ITGA9: variants seen among roughly 807,000 people sequenced by gnomAD.
The protein encoded by ITGA9 is integrin subunit alpha 9.
Under a neutral mutation model 127.8 loss-of-function variants are expected in ITGA9, and 56 were observed. That is an observed-to-expected ratio of 0.44 (90% CI 0.35 to 0.55). The LOEUF (loss-of-function observed/expected upper bound fraction) is 0.55. Ranked by LOEUF, ITGA9 falls within the 20% of genes least tolerant of loss-of-function variation. The pLI is 0.00. For synonymous variants in ITGA9, 508 were observed against 514.5 expected, an observed-to-expected ratio of 0.99 and a Z score of 0.17; for missense variants, 1,196 against 1,347.1, an observed-to-expected ratio of 0.89 and a Z score of 1.76.
intron 22 of ITGA9, chr3:37,746,037 T>C (rs538687723): frequency 6.6e-6 from 1 of 152,346 alleles, no homozygotes; most frequent in African/African-American, 2.4e-5. Context: ...TCCTTGAGAA[T>C]TGTCTGACTA....
intron 5 of ITGA9, among the ~76,000 whole-genome samples, chr3:37,495,310 A>G (rs1698716606): frequency 6.6e-6 from 1 of 152,210 alleles, no homozygotes; most frequent in Admixed American, 6.5e-5. Flanking sequence ...TCAGAAGGAC[A>G]GGACACCTGC....
intron 22 of ITGA9, chr3:37,748,699 G>A (rs1575219705): frequency 5.4e-6 from 3 of 553,978 alleles, no homozygotes; most frequent in Non-Finnish European, 9.6e-6. Flanking sequence ...AGTGAGCCGA[G>A]GTTGGCCCAC....
chr3:37,507,401 T>G (rs954310632), intron 7 of ITGA9, among the ~76,000 whole-genome samples: 2 of 152,198 alleles, frequency 1.3e-5, no homozygotes, highest in African/African-American at 4.8e-5. Context: ...ATAGCAGCTT[T>G]CTTTTCTCCC....
At chr3:37,636,891 TC>T (rs1700284623) in intron 16 of ITGA9, among the ~76,000 whole-genome samples, 1 of 151,984 alleles carries the variant, frequency 6.6e-6, no homozygotes. Flanking sequence ...AAATAGGGAA[TC>T]CTTTCCCCAT....
chr3:37,570,889 G>C (rs1699593537), intron 15 of ITGA9, among the ~76,000 whole-genome samples: 1 of 152,224 alleles, frequency 6.6e-6, no homozygotes, highest in Admixed American at 6.5e-5. Context: ...TCAGGGCTCA[G>C]ATGAGGCTGT....
At chr3:37,492,903 T>C (rs186499388) in intron 4 of ITGA9, among the ~76,000 whole-genome samples, 5 of 152,326 alleles carry the variant, frequency 3.3e-5, no homozygotes, top group African/African-American at 4.8e-5. Flanking sequence ...TTATTATTAA[T>C]TTGTATTATT....
At chr3:37,770,406 G>T (rs1378397800) in intron 23 of ITGA9, among the ~76,000 whole-genome samples, 1 of 152,148 alleles carries the variant, frequency 6.6e-6, no homozygotes, top group Non-Finnish European at 1.5e-5. Context: ...CAGGCACAGG[G>T]ACTGTGTTTG....
intron 27 of ITGA9, among the ~76,000 whole-genome samples, chr3:37,809,118 C>T (rs1483213022): frequency 6.8e-6 from 1 of 148,024 alleles, no homozygotes; most frequent in Non-Finnish European, 1.5e-5. Flanking sequence ...GGCAGTCCCA[C>T]TCTGTCACTC....
At chr3:37,744,833 C>T (rs1206820378) in intron 22 of ITGA9, among the ~76,000 whole-genome samples, 1 of 152,230 alleles carries the variant, frequency 6.6e-6, no homozygotes, top group Non-Finnish European at 1.5e-5. Context: ...ATAATTTTCA[C>T]ATCATGAAAT....
chr3:37,621,201 T>C lies in ITGA9; in HGVS notation c.1690-7986T>C, dbSNP rs948411874. ...CTCTCTTGTCTGCTGCCATGTAAGA[T>C]GTGCCTTTTGCCTTCCACCATGGTT... is the stretch of plus-strand genomic sequence containing the variant. On this transcript the variant is annotated intron_variant, in intron 15 of 27. Transcript: ENST00000264741. Among the ~76,000 whole-genome samples, 6 of 152,228 alleles carry C rather than the reference T, an allele frequency of 3.9e-5. No individual in the cohort carries two copies. The East Asian group carries it at 1.2e-3, about 29-fold the overall frequency.
chr3:37,587,573 A>C (rs1699770904), intron 15 of ITGA9, among the ~76,000 whole-genome samples: 1 of 151,794 alleles, frequency 6.6e-6, no homozygotes, highest in Non-Finnish European at 1.5e-5. Context: ...CCCACCCATT[A>C]CCCACCCATC....
chr3:37,770,197 C>G (rs940512278), intron 23 of ITGA9, among the ~76,000 whole-genome samples: 1 of 152,174 alleles, frequency 6.6e-6, no homozygotes, highest in Non-Finnish European at 1.5e-5. Flanking sequence ...GAGCAGTACC[C>G]TCCACACATG....
At chr3:37,531,857 G>A (rs1254259260) in intron 13 of ITGA9, among the ~76,000 whole-genome samples, 1 of 152,250 alleles carries the variant, frequency 6.6e-6, no homozygotes, top group Admixed American at 6.5e-5. Context: ...GACAATGACT[G>A]TTCACCTTAG....
intron 15 of ITGA9, among the ~76,000 whole-genome samples, chr3:37,556,487 G>T (rs985521113): frequency 6.6e-6 from 1 of 152,224 alleles, no homozygotes; most frequent in Admixed American, 6.5e-5. Context: ...AGCTCTCGGA[G>T]CTGGCACGTT....
intron 20 of ITGA9, among the ~76,000 whole-genome samples, chr3:37,737,677 G>A (rs1422516281): frequency 2.0e-5 from 3 of 152,202 alleles, no homozygotes; most frequent in African/African-American, 7.2e-5. Flanking sequence ...CCAGTGGAGG[G>A]AGGGGCGTTC....
intron 25 of ITGA9, among the ~76,000 whole-genome samples, chr3:37,784,559 C>G (rs1697015868): frequency 6.6e-6 from 1 of 152,182 alleles, no homozygotes; most frequent in South Asian, 2.1e-4. Context: ...GGGTTGTGGT[C>G]AAGGCAGGAA....
intron 15 of ITGA9, among the ~76,000 whole-genome samples, chr3:37,550,855 G>A (rs561499496): frequency 2.0e-4 from 30 of 152,312 alleles, no homozygotes; most frequent in African/African-American, 7.0e-4. Flanking sequence ...TGAATATGTT[G>A]AGGGTTTTTT....
At chr3:37,818,603 T>C (rs2125569761) in intron 27 of ITGA9, 1 of 454,276 alleles carries the variant, frequency 2.2e-6, no homozygotes. Context: ...TGAACAGCTC[T>C]CAGTAACTGG....
chr3:37,476,646 C>T (rs374219513), intron 3 of ITGA9, among the ~76,000 whole-genome samples: 4 of 152,150 alleles, frequency 2.6e-5, no homozygotes, highest in African/African-American at 7.2e-5. Context: ...ACTCTGTCCT[C>T]GGCACTTCTC....
Sources: allele counts gnomAD v4.1 joint callset (sites outside exome capture counted in the v4.1 genomes callset), GRCh38; gene constraint gnomAD v4.1.1; transcripts MANE v1.5; gene names NCBI Gene and HGNC (gene_info 2026-07-23, HGNC 2026-07-21).